The following FAM124A variants were observed in gnomAD, a reference collection of about 807,000 sequenced individuals.
FAM124A encodes the protein family with sequence similarity 124 member A.
FAM124A carries 23 observed loss-of-function variants against 24.5 expected under a neutral mutation model. The observed-to-expected ratio is 0.94, with a 90% CI of 0.68 to 1.33. The LOEUF is 1.33. Ranked by LOEUF, FAM124A falls within the 40% of genes most tolerant of loss-of-function variation. The pLI is 0.00. For synonymous variants in FAM124A, 287 were observed against 314.7 expected, an observed-to-expected ratio of 0.91 and a Z score of 0.93; for missense variants, 623 against 722.8, an observed-to-expected ratio of 0.86 and a Z score of 1.58.
chr13:51,240,460 C>T (rs978889319), intron 2 of FAM124A, among the ~76,000 whole-genome samples: 3 of 152,194 alleles, frequency 2.0e-5, no homozygotes, highest in East Asian at 1.9e-4. Context: ...AGTTGCAAGA[C>T]GTCTTTCCTT....
intron 2 of FAM124A, chr13:51,245,439 G>A (rs763122091): frequency 6.5e-5 from 40 of 611,772 alleles, no homozygotes; most frequent in Admixed American, 3.7e-4. Flanking sequence ...TTCTATTGGC[G>A]CAGCTTCCGG....
intron 3 of FAM124A, among the ~76,000 whole-genome samples, chr13:51,260,743 G>A (rs1954727198): frequency 6.6e-6 from 1 of 152,114 alleles, no homozygotes; most frequent in African/African-American, 2.4e-5. Context: ...TCCAGTGCTG[G>A]CGTGGTCTCC....
At chr13:51,224,042 C>A (rs1490509479) in intron 1 of FAM124A, among the ~76,000 whole-genome samples, 1 of 152,186 alleles carries the variant, frequency 6.6e-6, no homozygotes, top group African/African-American at 2.4e-5. Context: ...GGGGTGACAT[C>A]GCCCCAGGAT....
chr13:51,278,982 G>A (rs777924176), intron 3 of FAM124A, among the ~76,000 whole-genome samples: 1 of 152,028 alleles, frequency 6.6e-6, no homozygotes, highest in Non-Finnish European at 1.5e-5. Context: ...AGGCAGATTC[G>A]GACTGCAAAA....
intron 3 of FAM124A, among the ~76,000 whole-genome samples, chr13:51,278,392 C>A (rs560229876): frequency 4.3e-4 from 65 of 152,334 alleles, no homozygotes; most frequent in African/African-American, 1.5e-3. Flanking sequence ...GGAGCTCCAA[C>A]CTTCACAGGT....
intron 2 of FAM124A, among the ~76,000 whole-genome samples, chr13:51,236,153 G>C (rs971265624): frequency 6.6e-6 from 1 of 152,164 alleles, no homozygotes; most frequent in East Asian, 1.9e-4. Flanking sequence ...GCTGCTCTGG[G>C]CCCCTGGATC....
At chr13:51,253,402 G>C (rs1954645651) in intron 3 of FAM124A, 1 of 152,154 alleles carries the variant, frequency 6.6e-6, no homozygotes, top group Admixed American at 6.5e-5. Context: ...AGATAATTTT[G>C]AAACTTCCTT....
At chr13:51,222,886 CTCCTTCCTCGGGGACT>C (rs1954276197) in intron 1 of FAM124A, among the ~76,000 whole-genome samples, 1 of 152,228 alleles carries the variant, frequency 6.6e-6, no homozygotes, top group African/African-American at 2.4e-5. Flanking sequence ...CACTTGTTTC[CTCCTTCCTCGGGGACT>C]TTCCTCCTGT....
In FAM124A at chr13:51,281,085, C is replaced by T. The variant is rs754410688; in HGVS notation, c.1470C>T (p.Ser490=). Residue 490 remains serine (S), a synonymous_variant, in exon 4 of 4, where the codon TCC becomes TCT. Transcript: ENST00000322475. ...LPFFTKRSSS[S]SATARAAPPA... is the part of the protein sequence containing the mutation. ...TCTTCACCAAAAGGTCTTCCAGCTC[C>T]TCAGCGACAGCTCGTGCTGCTCCCC... 1 of 1,614,162 alleles carries T rather than the reference C, an allele frequency of 6.2e-7. No homozygotes were observed. The highest frequency in any genetic ancestry group is 1.3e-5 in the African/African-American group (1 of 75,036).
intron 2 of FAM124A, chr13:51,245,245 C>G (rs1593593806): frequency 3.6e-6 from 2 of 555,874 alleles, no homozygotes; most frequent in African/African-American, 1.9e-5. Flanking sequence ...CTGGTTAGGA[C>G]TAGGTGTGCC....
At chr13:51,236,244 A>C (rs1954434084) in intron 2 of FAM124A, among the ~76,000 whole-genome samples, 1 of 152,276 alleles carries the variant, frequency 6.6e-6, no homozygotes, top group South Asian at 2.1e-4. Context: ...GTTAATTACA[A>C]GCCGTTATAG....
rs1954618807 is a variant in FAM124A, at chr13:51,251,467, G to A, written c.101-1G>A. On this transcript the variant is annotated splice_acceptor_variant, in intron 2 of 3. Transcript: ENST00000322475. LOFTEE classifies it high-confidence loss of function. This position sits in a 1 kb window ranked among gnomAD's most constrained non-coding sequence, Gnocchi z 5.3. The stretch of plus-strand genomic sequence containing the variant: ...TCCATTCGTTTTTTGCGTGCCCCCA[G>A]GTGAGCTTTCCGTTGAAGAGGCGCA... 6.7e-7 allele frequency: 1 copy of A among 1,499,706 alleles called. No individual in the cohort carries two copies. The highest frequency in any genetic ancestry group is 8.9e-7 in the Non-Finnish European group (1 of 1,123,968). 92.9% of individuals were successfully genotyped at this position (1,499,706 alleles called of 1,614,324 possible). A position where few individuals can be genotyped will look rare whatever the true frequency, so the allele number is the denominator to read the frequency against.
chr13:51,247,454 T>C (rs1047365374), intron 2 of FAM124A, among the ~76,000 whole-genome samples: 5 of 152,176 alleles, frequency 3.3e-5, no homozygotes, highest in African/African-American at 1.2e-4. Context: ...TTAAATGAGT[T>C]CATACATGTA....
At chr13:51,243,435 G>C (rs986920794) in intron 2 of FAM124A, among the ~76,000 whole-genome samples, 1 of 152,194 alleles carries the variant, frequency 6.6e-6, no homozygotes, top group Non-Finnish European at 1.5e-5. Context: ...TCTGGGGAAT[G>C]CCTCAATGTG....
At chr13:51,228,417 A>C (rs1954338760) in intron 1 of FAM124A, among the ~76,000 whole-genome samples, 1 of 152,154 alleles carries the variant, frequency 6.6e-6, no homozygotes, top group Non-Finnish European at 1.5e-5. Context: ...TATATTTGTC[A>C]GGTGTGTGAA....
intron 3 of FAM124A, among the ~76,000 whole-genome samples, chr13:51,259,671 C>T (rs1954713591): frequency 6.6e-6 from 1 of 152,140 alleles, no homozygotes; most frequent in Non-Finnish European, 1.5e-5. Flanking sequence ...GATGCCCCAG[C>T]CCGTCCCCTT....
At chr13:51,276,104 G>C (rs2137710324) in intron 3 of FAM124A, among the ~76,000 whole-genome samples, 1 of 152,278 alleles carries the variant, frequency 6.6e-6, no homozygotes, top group East Asian at 1.9e-4. Context: ...AAGACACAAG[G>C]CTCAAGGGGT....
intron 3 of FAM124A, among the ~76,000 whole-genome samples, chr13:51,260,934 A>G (rs530446261): frequency 2.0e-4 from 30 of 152,320 alleles, no homozygotes; most frequent in South Asian, 4.1e-4. Context: ...CTAGGGCAGG[A>G]TAGCCCAGCT....
chr13:51,229,535 T>G (rs1351229044), intron 1 of FAM124A, among the ~76,000 whole-genome samples: 1 of 152,218 alleles, frequency 6.6e-6, no homozygotes, highest in Non-Finnish European at 1.5e-5. Flanking sequence ...ATCTTTAAAA[T>G]GTATGCATAT....
Sources: gnomAD v4.1 joint callset for allele counts (sites outside exome capture counted in the v4.1 genomes callset) on GRCh38, gnomAD v4.1.1 for gene constraint, Gnocchi (gnomAD v3.1) non-coding constraint, MANE v1.5 for transcripts, NCBI Gene and HGNC (gene_info 2026-07-23, HGNC 2026-07-21) for gene names.